Variants in EBF4 observed in about 807,000 individuals in gnomAD.
EBF4 encodes the protein transcription factor COE4.
EBF4 carries 34 observed loss-of-function variants against 67.1 expected under a neutral mutation model. That is an observed-to-expected ratio of 0.51 (90% CI 0.39 to 0.67). The LOEUF is 0.67. Ranked by LOEUF, EBF4 falls within the 30% of genes least tolerant of loss-of-function variation. The pLI, the probability that EBF4 is intolerant of heterozygous loss-of-function variation, is 0.00. For synonymous variants in EBF4, 387 were observed against 377.7 expected (o/e 1.02, Z -0.29); for missense variants, 837 against 873.3 (o/e 0.96, Z 0.52).
At chr20:2,758,333 C>T (rs1452767331) in intron 15 of EBF4, among the ~76,000 whole-genome samples, 2 of 152,316 alleles carry the variant, frequency 1.3e-5, no homozygotes, top group Non-Finnish European at 2.9e-5. Flanking sequence ...TCTACGGTGG[C>T]TTTGAAAGGA....
chr20:2,705,946 C>G lies in EBF4; in HGVS notation c.295-28C>G, dbSNP rs1205165545. The G allele has an allele frequency of 4.5e-6, 7 of 1,548,196 alleles. No individual in the cohort carries two copies. The Admixed American group carries it at 1.2e-4, about 26-fold the overall frequency. Reference sequence around the variant, plus strand: ...GGAGGCTGGAGGATCCCTGAGCACCCGAGCATCCTCCCATCTTGTCCCTGC... The same window carrying G: ...GGAGGCTGGAGGATCCCTGAGCACCGGAGCATCCTCCCATCTTGTCCCTGC... On this transcript the variant is annotated intron_variant, in intron 2 of 16. Transcript: ENST00000609451.
Position 2,693,733 on chromosome 20 carries a change from T to A in EBF4, c.88T>A (p.Ser30Thr). 2.2e-6 allele frequency: 3 copies of A among 1,370,916 alleles called. No homozygotes were observed. The highest frequency in any genetic ancestry group is 9.4e-7 in the Non-Finnish European group (1 of 1,068,260). 84.9% of individuals were successfully genotyped at this position (1,370,916 alleles called of 1,614,324 possible). Reference sequence around the variant, plus strand: ...GCCCGCCGGCCTGGGCTCAGTGCGCTCCTGGATGCAGGGCGCGGGCATCCT... The same window carrying A: ...GCCCGCCGGCCTGGGCTCAGTGCGCACCTGGATGCAGGGCGCGGGCATCCT... Residue 30 changes from serine to threonine, a missense_variant, in exon 1 of 17, where the codon TCC becomes ACC. This residue lies in a region of EBF4 where 86 missense variants were observed against 70.3 expected (regional missense o/e 1.22). Coordinates refer to ENST00000609451, the Ensembl canonical transcript of EBF4. The surrounding 1 kb of genome is among the most constrained non-coding windows in gnomAD (Gnocchi z 4.6).
chr20:2,705,408 C>T (rs550714891), intron 1 of EBF4, among the ~76,000 whole-genome samples, 169 bp from the exon 2 acceptor site: 4 of 152,264 alleles, frequency 2.6e-5, no homozygotes, highest in South Asian at 4.1e-4. Context: ...TATCTGGAAG[C>T]GAGATGGCCC....
At position 2,739,157 on chromosome 20, in the gene EBF4, C is replaced by G. The variant is rs1314703253; in HGVS notation, c.558-9392C>G. Among the ~76,000 whole-genome samples, 1 of 152,186 alleles carries G rather than the reference C, an allele frequency of 6.6e-6. No homozygotes were observed. Among genetic ancestry groups the G allele is most frequent in the Non-Finnish European group, 1.5e-5 (1 of 68,034 alleles). ...TCCCTTCCCTTCTCTAGCGTAGGCCCTTTGGTGCCTGTTTCTGCCTGAAGG... is the reference window on the plus strand; with the variant it reads ...TCCCTTCCCTTCTCTAGCGTAGGCCGTTTGGTGCCTGTTTCTGCCTGAAGG... On this transcript the variant is annotated intron_variant, in intron 6 of 16. Transcript: ENST00000609451. The surrounding 1 kb of genome is among the most constrained non-coding windows in gnomAD (Gnocchi z 4.5).
chr20:2,746,710 G>A (rs779935587), intron 6 of EBF4, among the ~76,000 whole-genome samples: 7 of 152,208 alleles, frequency 4.6e-5, no homozygotes, highest in Non-Finnish European at 8.8e-5. Context: ...GGGTATATAA[G>A]TAGTACATGA....
At chr20:2,694,420 C>A (rs2146354387) in intron 1 of EBF4, among the ~76,000 whole-genome samples, 1 of 152,296 alleles carries the variant, frequency 6.6e-6, no homozygotes, top group Admixed American at 6.5e-5. Flanking sequence ...GGGAACCCAG[C>A]ACCCGCGCCG....
chr20:2,752,369 G>C, exon 14 of EBF4: 1 of 1,228,336 alleles, frequency 8.1e-7, no homozygotes, highest in Non-Finnish European at 1.0e-6. Context: ...TACGCGCGCA[G>C]CTGCAGCAGC....
chr20:2,751,775 A>G lies in EBF4; in HGVS notation c.1094A>G (p.Glu365Gly). The change falls in exon 11 of 17, where the codon GAG becomes GGG. Residue 365 changes from glutamate to glycine, a missense_variant. By Grantham distance (98) the Glu-to-Gly change is moderately conservative. Coordinates refer to ENST00000609451, the Ensembl canonical transcript of EBF4. This position sits in a 1 kb window ranked among gnomAD's most constrained non-coding sequence, Gnocchi z 5.2. ...ATTCCCAGACACCCCGGAGACCCCG[A>G]GAGGCTGCCCAAGGTACTCAGAGGG... The G allele has an allele frequency of 6.6e-7, 1 of 1,504,858 alleles. No homozygotes were observed. The highest frequency in any genetic ancestry group is 9.0e-7 in the Non-Finnish European group (1 of 1,113,068). The allele number at this position is 1,504,858 out of a possible 1,614,324, so 93.2% of individuals were successfully genotyped here.
chr20:2,745,067 C>T lies in EBF4; in HGVS notation c.558-3482C>T, dbSNP rs1051685309. 6.6e-6 allele frequency among the ~76,000 whole-genome samples: 1 copy of T among 152,174 alleles called. No homozygotes were observed. Among genetic ancestry groups the T allele is most frequent in the African/African-American group, 2.4e-5 (1 of 41,442 alleles). Reference sequence around the variant, plus strand: ...GGCTGGTGGCTATAGTAATGGGTAGCGCAGCTCCAGTGCGGTAGTTCTCAA... The same window carrying T: ...GGCTGGTGGCTATAGTAATGGGTAGTGCAGCTCCAGTGCGGTAGTTCTCAA... On this transcript the variant is annotated intron_variant, in intron 6 of 16. Transcript: ENST00000609451. The surrounding 1 kb of genome is among the most constrained non-coding windows in gnomAD (Gnocchi z 5.2).
At chr20:2,726,801 G>A (rs1397533829) in intron 6 of EBF4, among the ~76,000 whole-genome samples, 3 of 151,940 alleles carry the variant, frequency 2.0e-5, no homozygotes, top group South Asian at 4.2e-4. Flanking sequence ...AACACATAAC[G>A]TAAAATTTTC....
At chr20:2,754,693 C>T (rs1201361461) in intron 14 of EBF4, among the ~76,000 whole-genome samples, 1 of 152,180 alleles carries the variant, frequency 6.6e-6, no homozygotes, top group Non-Finnish European at 1.5e-5. Flanking sequence ...AGATCACAGC[C>T]TTACCAGTCT....
At chr20:2,716,455 G>A (rs2087611740) in intron 6 of EBF4, among the ~76,000 whole-genome samples, 1 of 151,590 alleles carries the variant, frequency 6.6e-6, no homozygotes. Flanking sequence ...CTTGAACTCA[G>A]GAGGCGGAGG....
At chr20:2,749,292 C>T in intron 7 of EBF4, 109 bp from the exon 8 acceptor site, 2 of 827,808 alleles carry the variant, frequency 2.4e-6, no homozygotes, top group Admixed American at 2.8e-5. Flanking sequence ...ACCAGTGACC[C>T]TAAATTCCAG....
intron 6 of EBF4, among the ~76,000 whole-genome samples, chr20:2,718,873 T>TA (rs2087643683): frequency 6.6e-6 from 1 of 152,234 alleles, no homozygotes; most frequent in African/African-American, 2.4e-5. Context: ...GTTATTGGCT[T>TA]AAAATCTTTC....
rs776373327 is a variant in EBF4, at chr20:2,748,659, C to G, written c.639+29C>G. On this transcript the variant is annotated intron_variant, in intron 7 of 16. Transcript: ENST00000609451. ...GGTCTGGAGAGAGGGTTTCCCCTTG[C>G]AACCCCACCCTTTCCTGATGGAGGG... The G allele has an allele frequency of 1.9e-6, 3 of 1,543,924 alleles. No individual in the cohort carries two copies. The South Asian group carries it at 3.6e-5, about 18-fold the overall frequency.
rs1191553137 is a variant in EBF4, at chr20:2,705,965, T to A, written c.295-9T>A. The A allele has an allele frequency of 6.4e-7, 1 of 1,551,024 alleles. No homozygotes were observed. On this transcript the variant is annotated splice_polypyrimidine_tract_variant and intron_variant, in intron 2 of 16. Coordinates refer to ENST00000609451, the Ensembl canonical transcript of EBF4. Reference sequence around the variant, plus strand: ...AGCACCCGAGCATCCTCCCATCTTGTCCCTGCAGGAGCCCGGGGCGGAAAA... The same window carrying A: ...AGCACCCGAGCATCCTCCCATCTTGACCCTGCAGGAGCCCGGGGCGGAAAA...
At chr20:2,732,463 A>T (rs2087826888) in intron 6 of EBF4, among the ~76,000 whole-genome samples, 1 of 152,150 alleles carries the variant, frequency 6.6e-6, no homozygotes, top group Admixed American at 6.5e-5. Flanking sequence ...TTTCTTTCTG[A>T]TGATAGACAC....
chr20:2,726,448 G>C (rs1002026706), intron 6 of EBF4, among the ~76,000 whole-genome samples: 1 of 152,060 alleles, frequency 6.6e-6, no homozygotes, highest in African/African-American at 2.4e-5. Flanking sequence ...CAGGGGTGAT[G>C]GTGTACTCCT....
intron 6 of EBF4, among the ~76,000 whole-genome samples, chr20:2,718,282 T>C (rs2087637044): frequency 6.6e-6 from 1 of 152,220 alleles, no homozygotes; most frequent in Non-Finnish European, 1.5e-5. Flanking sequence ...GTTTTGGGAT[T>C]GGGGTAATGC....
Sources: gnomAD v4.1 joint callset for allele counts (sites outside exome capture counted in the v4.1 genomes callset) on GRCh38, gnomAD v4.1.1 for gene constraint, gnomAD v4.1.1 regional missense constraint, Gnocchi (gnomAD v3.1) non-coding constraint, MANE v1.5 for transcripts, NCBI Gene and HGNC (gene_info 2026-07-23, HGNC 2026-07-21) for gene names.